Variants in PCDHA12 observed in about 807,000 individuals in gnomAD.
PCDHA12 encodes the protein protocadherin alpha 12.
In PCDHA12, 44 loss-of-function variants were observed where a neutral mutation model predicts 60.0. That is an observed-to-expected ratio of 0.73 (90% confidence interval 0.58 to 0.94). The LOEUF (loss-of-function observed/expected upper bound fraction) is 0.94. Among genes scored for constraint, PCDHA12 ranks in the 40% least tolerant of loss-of-function variants. PCDHA12 has a pLI of 0.00. For synonymous variants in PCDHA12, 569 were observed against 553.0 expected, an observed-to-expected ratio of 1.03 and a Z score of -0.40; for missense variants, 1,276 against 1,239.7, an observed-to-expected ratio of 1.03 and a Z score of -0.44.
chr5:140,884,116 C>T (rs1554181240), intron 1 of PCDHA12: 2 of 1,613,304 alleles, frequency 1.2e-6, no homozygotes, highest in South Asian at 2.2e-5. Context: ...TGGCGGCGGT[C>T]GGCGCGCGCA....
intron 1 of PCDHA12, 81 bp from the exon 2 acceptor site, chr5:140,978,868 G>A: frequency 6.2e-7 from 1 of 1,606,078 alleles, no homozygotes; most frequent in Non-Finnish European, 8.5e-7. Context: ...ATATTTAAGG[G>A]AGTAACTAAT....
At chr5:140,884,260 G>C (rs781862611) in intron 1 of PCDHA12, 1 of 1,613,410 alleles carries the variant, frequency 6.2e-7, no homozygotes, top group Admixed American at 1.7e-5. Flanking sequence ...CCACGGCAAC[G>C]GTGCTGTTGT....
intron 1 of PCDHA12, among the ~76,000 whole-genome samples, chr5:140,973,378 A>C (rs1453357452): frequency 6.6e-6 from 1 of 152,238 alleles, no homozygotes; most frequent in Non-Finnish European, 1.5e-5. Context: ...CAATGGTCAG[A>C]ATAGACAAAG....
At chr5:140,926,908 G>C (rs950305439) in intron 1 of PCDHA12, 2 of 1,560,316 alleles carry the variant, frequency 1.3e-6, no homozygotes, top group Admixed American at 1.8e-5. Flanking sequence ...GGGCTGTGGG[G>C]TGGCAGTTTT....
chr5:140,952,712 C>A (rs567610262), intron 1 of PCDHA12, among the ~76,000 whole-genome samples: 3 of 152,298 alleles, frequency 2.0e-5, no homozygotes, highest in Middle Eastern at 3.4e-3. Context: ...CTCTCAGTAT[C>A]AATTTTCTGT....
At chr5:140,998,645 A>T (rs1020510258) in intron 3 of PCDHA12, among the ~76,000 whole-genome samples, 12 of 151,600 alleles carry the variant, frequency 7.9e-5, no homozygotes, top group Non-Finnish European at 1.6e-4. Context: ...GCTCACTGCA[A>T]CCTCTGCCTC....
chr5:140,898,245 T>G (rs1583300763), intron 1 of PCDHA12, among the ~76,000 whole-genome samples: 1 of 152,246 alleles, frequency 6.6e-6, no homozygotes, highest in East Asian at 1.9e-4. Flanking sequence ...TTTGGTGTTT[T>G]AGACATGAAG....
chr5:140,941,894 T>G (rs1398323055), intron 1 of PCDHA12, among the ~76,000 whole-genome samples: 2 of 152,230 alleles, frequency 1.3e-5, no homozygotes, highest in African/African-American at 4.8e-5. Context: ...AGCATCTAAG[T>G]AACATTGAAA....
intron 1 of PCDHA12, chr5:140,966,800 G>A: frequency 6.5e-7 from 1 of 1,540,654 alleles, no homozygotes; most frequent in Non-Finnish European, 8.7e-7. Context: ...TGCGGCGACA[G>A]AGCATCCACG....
chr5:140,903,753 A>T (rs1554191101), intron 1 of PCDHA12, among the ~76,000 whole-genome samples: 2 of 152,186 alleles, frequency 1.3e-5, no homozygotes, highest in African/African-American at 4.8e-5. Context: ...GTTTCCCTTG[A>T]TTTTTGCTGA....
At chr5:140,929,391 A>G in intron 1 of PCDHA12, 1 of 1,511,404 alleles carries the variant, frequency 6.6e-7, no homozygotes, top group South Asian at 1.4e-5. Flanking sequence ...GTTTTGAAAT[A>G]TTTCTTAGAC....
At chr5:140,935,473 AT>A (rs2090393235) in intron 1 of PCDHA12, among the ~76,000 whole-genome samples, 1 of 152,212 alleles carries the variant, frequency 6.6e-6, no homozygotes, top group African/African-American at 2.4e-5. Context: ...AGTTTTTGTC[AT>A]TCTTTTCATT....
At chr5:140,969,297 T>C in intron 1 of PCDHA12, 2 of 1,614,200 alleles carry the variant, frequency 1.2e-6, no homozygotes, top group Non-Finnish European at 1.7e-6. Context: ...GGGAACCTGA[T>C]TATTCTCAAA....
chr5:140,973,125 G>A (rs1417014318), intron 1 of PCDHA12, among the ~76,000 whole-genome samples: 2 of 152,166 alleles, frequency 1.3e-5, no homozygotes, highest in African/African-American at 4.8e-5. Context: ...GATGAATTAA[G>A]TTTGCATTCA....
chr5:140,982,584 C>T (rs1554244599), intron 3 of PCDHA12, 21 bp downstream of exon 3: 1 of 1,612,032 alleles, frequency 6.2e-7, no homozygotes, highest in East Asian at 2.2e-5. Flanking sequence ...GGGGTCTCTC[C>T]ATTCTTTCTT....
At chr5:140,916,263 C>A (rs541005754) in intron 1 of PCDHA12, among the ~76,000 whole-genome samples, 43 of 152,316 alleles carry the variant, frequency 2.8e-4, no homozygotes, top group African/African-American at 1.0e-3. Flanking sequence ...ACCCCAAGAG[C>A]ATGCTTGTTG....
Position 140,876,293 on chromosome 5 carries a change from A to G in PCDHA12, c.821A>G (p.Asn274Ser), listed in dbSNP as rs201253884. ...LNASDPDEGL[N>S]GEISYGIKMI... Reference sequence around the variant, plus strand: ...GCTTCCGATCCAGACGAAGGACTTAATGGAGAAATTTCCTATGGGATCAAA... The same window carrying G: ...GCTTCCGATCCAGACGAAGGACTTAGTGGAGAAATTTCCTATGGGATCAAA... The change falls in exon 1 of 4, where the codon AAT becomes AGT. Residue 274 changes from asparagine (N) to serine (S), a missense_variant. Transcript: ENST00000398631. The G allele has an allele frequency of 9.9e-6, 16 of 1,613,942 alleles. No homozygotes were observed. The highest frequency in any genetic ancestry group is 2.5e-6 in the Non-Finnish European group (3 of 1,179,906).
chr5:140,883,433 T>G lies in PCDHA12; in HGVS notation c.2367+5594T>G, dbSNP rs201972709. 38 of 1,614,170 alleles carry G rather than the reference T, an allele frequency of 2.4e-5. No individual in the cohort carries two copies. In the East Asian group the frequency reaches 7.8e-4, roughly 33 times the overall value. ...CTCAAATGGACAGGTCACCTGCACC[T>G]TGACGCCGCATGTCCCCTTCAAGCT... On this transcript the variant is annotated intron_variant, in intron 1 of 3. Transcript: ENST00000398631.
At position 140,917,332 on chromosome 5, in the gene PCDHA12, G is replaced by T. The variant is rs182473611; in HGVS notation, c.2367+39493G>T. Among the ~76,000 whole-genome samples the T allele has an allele frequency of 8.2e-3, 1,196 of 145,640 alleles. 67 individuals carry two copies. The highest frequency in any genetic ancestry group is 0.021 in the African/African-American group (776 of 37,840). On this transcript the variant is annotated intron_variant, in intron 1 of 3. Transcript: ENST00000398631. ...ATTTGGTGTTCATGTGGCGGGGGAG[G>T]GGGGGGATGGTGTAGGCTTCTGTTC... is the stretch of plus-strand genomic sequence containing the variant.
Sources: gnomAD v4.1 joint callset for allele counts (sites outside exome capture counted in the v4.1 genomes callset) on GRCh38, gnomAD v4.1.1 for gene constraint, MANE v1.5 for transcripts, NCBI Gene and HGNC (gene_info 2026-07-23, HGNC 2026-07-21) for gene names.